GNB1L: variants seen among roughly 807,000 people sequenced by gnomAD.
GNB1L encodes the protein guanine nucleotide-binding protein subunit beta-like protein 1.
In GNB1L, 20 loss-of-function variants were observed where a neutral mutation model predicts 29.1. The observed-to-expected ratio is 0.69, with a 90% CI of 0.48 to 1.00. The LOEUF (loss-of-function observed/expected upper bound fraction) is 1.00. Among genes scored for constraint, GNB1L ranks in the 50% least tolerant of loss-of-function variants. The pLI is 0.00. For missense variants in GNB1L, 421 were observed against 464.9 expected, an observed-to-expected ratio of 0.91 and a Z score of 0.87; for synonymous variants, 193 against 206.5, an observed-to-expected ratio of 0.93 and a Z score of 0.56.
At chr22:19,831,378 AC>A (rs1463347455) in intron 2 of GNB1L, among the ~76,000 whole-genome samples, 9 of 150,864 alleles carry the variant, frequency 6.0e-5, no homozygotes, top group Admixed American at 2.0e-4. Flanking sequence ...AAAAAAAAAA[AC>A]AATAAAATAA....
At chr22:19,795,014 A>G (rs59469159) in intron 7 of GNB1L, among the ~76,000 whole-genome samples, 18,618 of 152,216 alleles carry the variant, frequency 0.12, 1,769 homozygotes, top group East Asian at 0.48. Context: ...ATAAAATAAA[A>G]TAAAAGATGC....
chr22:19,835,115 G>GA (rs1159642743), intron 2 of GNB1L, among the ~76,000 whole-genome samples: 1 of 152,046 alleles, frequency 6.6e-6, no homozygotes. Flanking sequence ...AATGCATGAA[G>GA]AAAAAACTGA....
intron 4 of GNB1L, among the ~76,000 whole-genome samples, chr22:19,814,627 G>A (rs1055197238): frequency 1.3e-5 from 2 of 152,202 alleles, no homozygotes; most frequent in Non-Finnish European, 2.9e-5. Context: ...TGGACTCCGG[G>A]ATGACAGGAT....
rs1240993568 is a variant in GNB1L at position 19,788,323 on chromosome 22, G to A, written c.*386C>T. 3 of 546,644 alleles carry A rather than the reference G, an allele frequency of 5.5e-6. No individual in the cohort carries two copies. The allele number at this position is 546,644 out of a possible 1,614,324, so 33.9% of individuals were successfully genotyped here. A position where few individuals can be genotyped will look rare whatever the true frequency, so the allele number is the denominator to read the frequency against. On this transcript the variant is annotated 3_prime_UTR_variant, in exon 8 of 8. Coordinates refer to ENST00000329517, the MANE Select transcript of GNB1L (RefSeq NM_053004.3). Reference sequence around the variant, plus strand: ...ATTCAACAGCAGGTGTGAGGGTGGGGCTGAGCATCCTGCCTGGTGGGGGTC... The same window carrying A: ...ATTCAACAGCAGGTGTGAGGGTGGGACTGAGCATCCTGCCTGGTGGGGGTC...
At chr22:19,841,217 G>A (rs887652486) in intron 2 of GNB1L, among the ~76,000 whole-genome samples, 2 of 152,168 alleles carry the variant, frequency 1.3e-5, no homozygotes, top group African/African-American at 4.8e-5. Context: ...AAATGCGTCC[G>A]TGCACAAGGT....
At chr22:19,847,304 A>T in intron 2 of GNB1L, 1 of 985,034 alleles carries the variant, frequency 1.0e-6, no homozygotes, top group Non-Finnish European at 1.2e-6. Flanking sequence ...ACTGCAGCAC[A>T]ATCTGGCTCA....
rs528672965 is a variant in GNB1L at position 19,812,818 on chromosome 22, C to T, written c.255-371G>A. Among the ~76,000 whole-genome samples, 22 of 152,312 alleles carry T rather than the reference C, an allele frequency of 1.4e-4. 1 individual carries two copies. The highest frequency in any genetic ancestry group is 5.3e-4 in the African/African-American group (22 of 41,566). On this transcript the variant is annotated intron_variant, in intron 4 of 7. Coordinates refer to ENST00000329517, the MANE Select transcript of GNB1L (RefSeq NM_053004.3). ...CCAGGATCCCAGGAAGGACTGCAGACTGTGACAAGGGGGAGAACAGAGGGG... is the reference window on the plus strand; with the variant it reads ...CCAGGATCCCAGGAAGGACTGCAGATTGTGACAAGGGGGAGAACAGAGGGG...
intron 2 of GNB1L, chr22:19,851,637 G>A (rs1403428160): frequency 1.1e-5 from 18 of 1,594,118 alleles, no homozygotes; most frequent in Non-Finnish European, 1.5e-5. Context: ...ACCACAGGCA[G>A]CTGAGGGGCC....
chr22:19,842,923 C>T (rs1439132594), intron 2 of GNB1L, among the ~76,000 whole-genome samples: 12 of 152,224 alleles, frequency 7.9e-5, no homozygotes, highest in Non-Finnish European at 1.5e-4. Flanking sequence ...GTCCTGAGCA[C>T]GGGAAACAGG....
At chr22:19,809,226 G>C (rs953035636) in intron 5 of GNB1L, among the ~76,000 whole-genome samples, 5 of 151,792 alleles carry the variant, frequency 3.3e-5, no homozygotes, top group Non-Finnish European at 5.9e-5. Flanking sequence ...GGGGAGCACG[G>C]TGGTGGAAGA....
chr22:19,825,592 A>C (rs962050551), intron 2 of GNB1L, among the ~76,000 whole-genome samples: 2 of 152,038 alleles, frequency 1.3e-5, no homozygotes, highest in African/African-American at 4.8e-5. Context: ...ACTGCACTCC[A>C]GCCTGGGGGA....
In GNB1L at chr22:19,851,950, T is replaced by G. The variant is rs1460389339; in HGVS notation, c.-21+2493A>C. ...GCCACGGGGAGCCATCAAAGGTGCCTGGGTCTGAGCCTGGTACCCAGCAGA... is the reference window on the plus strand; with the variant it reads ...GCCACGGGGAGCCATCAAAGGTGCCGGGGTCTGAGCCTGGTACCCAGCAGA... On this transcript the variant is annotated intron_variant, in intron 2 of 7. Transcript: ENST00000329517. The G allele has an allele frequency of 4.3e-6, 7 of 1,614,116 alleles. No individual in the cohort carries two copies. The East Asian group carries it at 1.3e-4, about 31-fold the overall frequency.
intron 7 of GNB1L, among the ~76,000 whole-genome samples, chr22:19,797,418 G>C (rs1339586519): frequency 6.6e-6 from 1 of 152,146 alleles, no homozygotes; most frequent in Non-Finnish European, 1.5e-5. Context: ...GATTTTAGTT[G>C]TTTTAATGTT....
chr22:19,796,508 G>A (rs1320971035), intron 7 of GNB1L, among the ~76,000 whole-genome samples: 1 of 152,256 alleles, frequency 6.6e-6, no homozygotes, highest in African/African-American at 2.4e-5. Context: ...AGACCACAAT[G>A]TTAATTAAGT....
intron 2 of GNB1L, among the ~76,000 whole-genome samples, chr22:19,845,586 G>A (rs1303037611): frequency 3.3e-5 from 5 of 152,364 alleles, no homozygotes; most frequent in Admixed American, 3.3e-4. Flanking sequence ...GGTGGTTCCT[G>A]AGGCCAGGAG....
intron 2 of GNB1L, among the ~76,000 whole-genome samples, chr22:19,835,793 C>T (rs1045317400): frequency 6.6e-6 from 1 of 152,056 alleles, no homozygotes; most frequent in Non-Finnish European, 1.5e-5. Flanking sequence ...GGAAATTAAA[C>T]AACACTGTTT....
chr22:19,803,225 G>T (rs928493857), intron 6 of GNB1L, among the ~76,000 whole-genome samples: 1 of 152,224 alleles, frequency 6.6e-6, no homozygotes, highest in East Asian at 1.9e-4. Context: ...ATGTGAACCC[G>T]AGGCCAGAGC....
At chr22:19,813,028 T>G (rs1374875783) in intron 4 of GNB1L, among the ~76,000 whole-genome samples, 1 of 152,148 alleles carries the variant, frequency 6.6e-6, no homozygotes, top group Non-Finnish European at 1.5e-5. Context: ...TGGTGGCTCA[T>G]GGGCCCGGGG....
chr22:19,838,703 C>T (rs2145895006), intron 2 of GNB1L, among the ~76,000 whole-genome samples: 1 of 152,254 alleles, frequency 6.6e-6, no homozygotes, highest in Admixed American at 6.5e-5. Context: ...TCATGATCCA[C>T]CCGCCTTGGC....
Sources: gnomAD v4.1 joint callset for allele counts (sites outside exome capture counted in the v4.1 genomes callset) on GRCh38, gnomAD v4.1.1 for gene constraint, MANE v1.5 for transcripts, NCBI Gene and HGNC (gene_info 2026-07-23, HGNC 2026-07-21) for gene names.